Variants in CDK19 observed in about 807,000 individuals in gnomAD.
The protein encoded by CDK19 is cyclin-dependent kinase 19.
In CDK19, 20 loss-of-function variants were observed where a neutral mutation model predicts 68.3. The ratio of observed to expected loss-of-function variants is 0.29; its 90% CI spans 0.21 to 0.43. The LOEUF is 0.43. Ranked by LOEUF, CDK19 falls within the 20% of genes least tolerant of loss-of-function variation. The pLI is 1.00. For missense variants in CDK19, 339 were observed against 623.5 expected, an observed-to-expected ratio of 0.54 and a Z score of 4.86; for synonymous variants, 221 against 222.8, an observed-to-expected ratio of 0.99 and a Z score of 0.07.
chr6:110,785,540 A>G (rs1418079076), intron 1 of CDK19, among the ~76,000 whole-genome samples: 1 of 152,240 alleles, frequency 6.6e-6, no homozygotes, highest in Non-Finnish European at 1.5e-5. Flanking sequence ...GAAGTGGATC[A>G]TCGTAAAGTT....
intron 12 of CDK19, among the ~76,000 whole-genome samples, chr6:110,617,662 T>TACAC (rs561387463): frequency 0.1 from 10,905 of 106,828 alleles, 642 homozygotes; most frequent in Admixed American, 0.12. Context: ...TATATATATA[T>TACAC]ACACACACAC....
chr6:110,672,473 T>C (rs935466107), intron 2 of CDK19, among the ~76,000 whole-genome samples: 1 of 152,164 alleles, frequency 6.6e-6, no homozygotes, highest in Non-Finnish European at 1.5e-5. Flanking sequence ...AAGTCCTGTG[T>C]TAAAAAATTT....
intron 1 of CDK19, among the ~76,000 whole-genome samples, chr6:110,799,420 A>T (rs1036847597): frequency 6.6e-6 from 1 of 152,120 alleles, no homozygotes; most frequent in African/African-American, 2.4e-5. Context: ...CCAAACCAAA[A>T]TCCAAGAATG....
intron 2 of CDK19, among the ~76,000 whole-genome samples, chr6:110,687,866 G>C (rs919238085): frequency 2.0e-5 from 3 of 152,126 alleles, no homozygotes; most frequent in African/African-American, 7.2e-5. Context: ...GTGCACCTAA[G>C]GACAACATTA....
chr6:110,723,255 C>G (rs1776073704), intron 2 of CDK19, among the ~76,000 whole-genome samples: 1 of 152,016 alleles, frequency 6.6e-6, no homozygotes, highest in Non-Finnish European at 1.5e-5. Flanking sequence ...CAATGCTAGC[C>G]TAGGTACCAG....
intron 2 of CDK19, among the ~76,000 whole-genome samples, chr6:110,703,618 C>T (rs1774195703): frequency 6.6e-6 from 1 of 152,086 alleles, no homozygotes; most frequent in Non-Finnish European, 1.5e-5. Context: ...ATAAGGAGGA[C>T]TACTTGAGCC....
intron 1 of CDK19, among the ~76,000 whole-genome samples, chr6:110,762,660 T>C (rs868510434): frequency 1.1e-4 from 16 of 152,156 alleles, no homozygotes; most frequent in African/African-American, 3.9e-4. Context: ...CAGCACCTAT[T>C]ATAGGTTCAT....
At chr6:110,619,605 T>C (rs532690289) in intron 12 of CDK19, among the ~76,000 whole-genome samples, 1 of 151,702 alleles carries the variant, frequency 6.6e-6, no homozygotes, top group Non-Finnish European at 1.5e-5. Flanking sequence ...CTAAGTTGGC[T>C]TGGCAAAAAT....
intron 2 of CDK19, among the ~76,000 whole-genome samples, chr6:110,711,039 G>A (rs1774902885): frequency 1.3e-5 from 2 of 151,920 alleles, no homozygotes; most frequent in South Asian, 4.1e-4. Context: ...AAACTATAAA[G>A]TTCTCAAAAG....
At chr6:110,753,491 C>T (rs1355564584) in intron 1 of CDK19, among the ~76,000 whole-genome samples, 1 of 151,712 alleles carries the variant, frequency 6.6e-6, no homozygotes, top group Non-Finnish European at 1.5e-5. Flanking sequence ...TCAAGCAATC[C>T]TCTCACCTCA....
intron 2 of CDK19, among the ~76,000 whole-genome samples, chr6:110,725,437 A>T (rs1483768807): frequency 1.3e-5 from 2 of 152,186 alleles, no homozygotes; most frequent in East Asian, 3.8e-4. Context: ...ATATTACTAA[A>T]CACAGATAGT....
At chr6:110,786,467 T>A (rs1468786039) in intron 1 of CDK19, among the ~76,000 whole-genome samples, 3 of 152,154 alleles carry the variant, frequency 2.0e-5, no homozygotes, top group Non-Finnish European at 2.9e-5. Flanking sequence ...CAGGAATGTA[T>A]TGTTTTGAGC....
chr6:110,767,564 C>A (rs187221744), intron 1 of CDK19, among the ~76,000 whole-genome samples: 191 of 149,914 alleles, frequency 1.3e-3, no homozygotes, highest in Non-Finnish European at 2.5e-3. Context: ...CCATGTTGGC[C>A]AGGCTGGTCT....
intron 2 of CDK19, among the ~76,000 whole-genome samples, chr6:110,674,085 T>C (rs976929638): frequency 2.0e-5 from 3 of 152,244 alleles, no homozygotes; most frequent in Non-Finnish European, 2.9e-5. Flanking sequence ...TTAAAACTTT[T>C]TCAGTATTAT....
At chr6:110,677,503 T>C (rs754086344) in intron 2 of CDK19, among the ~76,000 whole-genome samples, 7 of 150,962 alleles carry the variant, frequency 4.6e-5, no homozygotes, top group Non-Finnish European at 1.0e-4. Flanking sequence ...GAGGCGGAGC[T>C]TGCAGTGAGC....
rs748382313 is a variant in CDK19, at chr6:110,614,287, G to A, written c.*248C>T. 9.3e-5 allele frequency: 33 copies of A among 356,034 alleles called. No homozygotes were observed. Among genetic ancestry groups the A allele is most frequent in the Admixed American group, 3.7e-4 (9 of 24,474 alleles). The allele number at this position is 356,034 out of a possible 1,614,324, so 22.1% of individuals were successfully genotyped here. A position where few individuals can be genotyped will look rare whatever the true frequency, so the allele number is the denominator to read the frequency against. ...CAGAAGTGCTGGGATTAGATCAGAC[G>A]CTTTATCAGAGAAGTCACAATGGAA... On this transcript the variant is annotated 3_prime_UTR_variant, in exon 13 of 13. Transcript: ENST00000368911.
At chr6:110,707,755 T>G (rs1252550332) in intron 2 of CDK19, among the ~76,000 whole-genome samples, 1 of 152,114 alleles carries the variant, frequency 6.6e-6, no homozygotes, top group East Asian at 1.9e-4. Flanking sequence ...TGAAATCACC[T>G]GAGGTCAGGA....
intron 2 of CDK19, among the ~76,000 whole-genome samples, chr6:110,734,888 T>C (rs1337030524): frequency 6.6e-6 from 1 of 152,156 alleles, no homozygotes; most frequent in Non-Finnish European, 1.5e-5. Context: ...TACTCAAATA[T>C]TAAATGCAAA....
chr6:110,728,877 T>A (rs1776544399), intron 2 of CDK19, among the ~76,000 whole-genome samples: 1 of 152,324 alleles, frequency 6.6e-6, no homozygotes, highest in East Asian at 1.9e-4. Flanking sequence ...AGTTAGATAA[T>A]CTTTCTCTTG....
Sources: allele counts gnomAD v4.1 joint callset (sites outside exome capture counted in the v4.1 genomes callset), GRCh38; gene constraint gnomAD v4.1.1; transcripts MANE v1.5; gene names NCBI Gene and HGNC (gene_info 2026-07-23, HGNC 2026-07-21).